DSCAM: variants seen among roughly 807,000 people sequenced by gnomAD.
The protein encoded by DSCAM is DS cell adhesion molecule.
In DSCAM, 47 loss-of-function variants were observed where a neutral mutation model predicts 217.7. The ratio of observed to expected loss-of-function variants is 0.22; its 90% CI spans 0.17 to 0.28. The LOEUF (loss-of-function observed/expected upper bound fraction) is 0.28, where lower values mean the gene tolerates loss of function less well. Among genes scored for constraint, DSCAM ranks in the 10% least tolerant of loss-of-function variants. The probability of loss-of-function intolerance (pLI) is 1.00; values close to 1 mark genes in which losing one functional copy is unlikely to be tolerated. For missense variants in DSCAM, 2,080 were observed against 2,618.3 expected, an observed-to-expected ratio of 0.79 and a Z score of 4.49; for synonymous variants, 1,056 against 1,015.3, an observed-to-expected ratio of 1.04 and a Z score of -0.76.
At chr21:40,636,321 T>C (rs1268760243) in intron 3 of DSCAM, among the ~76,000 whole-genome samples, 1 of 151,830 alleles carries the variant, frequency 6.6e-6, no homozygotes, top group Non-Finnish European at 1.5e-5. Context: ...TAAAAATACA[T>C]TTCCATGATT....
rs191189356 is a variant in DSCAM, at chr21:40,763,207, C to T, written c.44-54436G>A. On this transcript the variant is annotated intron_variant, in intron 1 of 32. Coordinates refer to ENST00000400454, the MANE Select transcript of DSCAM (RefSeq NM_001389.5). ...ATTTAGAAAACCCCATCATCTCAGC[C>T]CTAAAACTCCTTAAGCTGATAAACA... Among the ~76,000 whole-genome samples, 249 of 152,210 alleles carry T rather than the reference C, an allele frequency of 1.6e-3. 1 individual carries two copies. The highest frequency in any genetic ancestry group is 4.1e-3 in the Admixed American group (62 of 15,296).
At chr21:40,442,485 T>C (rs2075638941) in intron 3 of DSCAM, among the ~76,000 whole-genome samples, 2 of 150,546 alleles carry the variant, frequency 1.3e-5, no homozygotes, top group Admixed American at 1.3e-4. Flanking sequence ...AAAAAGAATA[T>C]GATACAAATT....
chr21:40,806,212 T>C (rs1159790001), intron 1 of DSCAM, among the ~76,000 whole-genome samples: 1 of 152,204 alleles, frequency 6.6e-6, no homozygotes, highest in Non-Finnish European at 1.5e-5. Context: ...GTCCCCACTG[T>C]GGCCTTCCAA....
chr21:40,707,082 A>G (rs1235969135), intron 2 of DSCAM, among the ~76,000 whole-genome samples: 1 of 152,260 alleles, frequency 6.6e-6, no homozygotes, highest in Non-Finnish European at 1.5e-5. Flanking sequence ...GATGATAGTT[A>G]AAACAGGAGT....
chr21:40,391,523 G>T (rs2123755403), intron 3 of DSCAM, among the ~76,000 whole-genome samples: 1 of 152,284 alleles, frequency 6.6e-6, no homozygotes, highest in East Asian at 1.9e-4. Flanking sequence ...TCTTTCTTTG[G>T]AAGGGGACTT....
rs996208819 is a variant in DSCAM at position 40,786,263 on chromosome 21, A to C, written c.43+60356T>G. Among the ~76,000 whole-genome samples, 9 of 151,768 alleles carry C rather than the reference A, an allele frequency of 5.9e-5. No homozygotes were observed. In the East Asian group the frequency reaches 1.7e-3, roughly 29 times the overall value. On this transcript the variant is annotated intron_variant, in intron 1 of 32. Coordinates refer to ENST00000400454, the MANE Select transcript of DSCAM (RefSeq NM_001389.5). ...AAACAAAACAAAGAAAGAAGGAAGG[A>C]AGGAAGGAAAGAAAGAAAAAAAGGA...
At chr21:40,057,829 C>T (rs2089050286) in intron 28 of DSCAM, among the ~76,000 whole-genome samples, 1 of 150,530 alleles carries the variant, frequency 6.6e-6, no homozygotes, top group Admixed American at 6.6e-5. Flanking sequence ...CTTGCTCTGT[C>T]GCCCAGGCTG....
At chr21:40,402,213 CCCG>C (rs2075242118) in intron 3 of DSCAM, among the ~76,000 whole-genome samples, 2 of 151,450 alleles carry the variant, frequency 1.3e-5, no homozygotes, top group African/African-American at 4.8e-5. Flanking sequence ...ACTACAGGCG[CCCG>C]CCACCACGCC....
intron 15 of DSCAM, 62 bp from the exon 16 acceptor site, chr21:40,167,350 C>T: frequency 6.7e-7 from 1 of 1,499,696 alleles, no homozygotes; most frequent in Non-Finnish European, 9.3e-7. Context: ...TCGAAGCCTA[C>T]ACAGCCAAAG....
chr21:40,093,983 A>G lies in DSCAM; in HGVS notation c.3697-109T>C, dbSNP rs2089645272. On this transcript the variant is annotated intron_variant, in intron 20 of 32. Transcript: ENST00000400454. ...TTAAATATCATAACAAAAAAACTCA[A>G]CTCACTCTCCTCTAAAAGGCTGGCT... The G allele has an allele frequency of 3.4e-6, 4 of 1,163,608 alleles. 1 individual carries two copies. Among genetic ancestry groups the G allele is most frequent in the African/African-American group, 3.1e-5 (2 of 64,088 alleles). 72.1% of individuals were successfully genotyped at this position (1,163,608 alleles called of 1,614,324 possible).
chr21:40,668,843 T>C (rs994771725), intron 3 of DSCAM, among the ~76,000 whole-genome samples: 1 of 152,004 alleles, frequency 6.6e-6, no homozygotes, highest in African/African-American at 2.4e-5. Flanking sequence ...GGACTCCACT[T>C]CCTTTCAGTA....
intron 9 of DSCAM, among the ~76,000 whole-genome samples, chr21:40,308,098 A>G (rs1249276746): frequency 6.6e-6 from 1 of 152,150 alleles, no homozygotes; most frequent in Non-Finnish European, 1.5e-5. Context: ...AAATAAAATA[A>G]AAAAACACAA....
intron 3 of DSCAM, among the ~76,000 whole-genome samples, chr21:40,432,916 C>T (rs1387292225): frequency 2.0e-5 from 3 of 152,132 alleles, no homozygotes; most frequent in African/African-American, 7.2e-5. Context: ...CTCTCTTAAC[C>T]AGGTTGACCC....
intron 1 of DSCAM, among the ~76,000 whole-genome samples, chr21:40,751,301 C>T (rs781479110): frequency 9.2e-5 from 14 of 152,198 alleles, no homozygotes; most frequent in Admixed American, 2.0e-4. Flanking sequence ...GCACTAATTA[C>T]AATCTACTAG....
At chr21:40,023,180 T>G (rs556475126) in intron 32 of DSCAM, among the ~76,000 whole-genome samples, 9 of 152,222 alleles carry the variant, frequency 5.9e-5, no homozygotes, top group African/African-American at 2.2e-4. Context: ...ATTTCATCCA[T>G]GTCCCTACAA....
intron 16 of DSCAM, 42 bp downstream of exon 16, chr21:40,167,176 T>TG (rs2090604754): frequency 6.3e-7 from 1 of 1,582,250 alleles, no homozygotes; most frequent in Admixed American, 1.7e-5. Flanking sequence ...GGGCTCGCCC[T>TG]GGGGGGAAAG....
intron 18 of DSCAM, among the ~76,000 whole-genome samples, chr21:40,139,719 A>G (rs138212281): frequency 2.4e-4 from 36 of 151,056 alleles, no homozygotes; most frequent in Admixed American, 5.3e-4. Flanking sequence ...GGTGATGTAC[A>G]TGCAGTTTGT....
chr21:40,129,738 G>A (rs2090135662), intron 19 of DSCAM, among the ~76,000 whole-genome samples: 1 of 152,178 alleles, frequency 6.6e-6, no homozygotes. Flanking sequence ...CTACTGAGGG[G>A]CAGCACCACT....
intron 11 of DSCAM, among the ~76,000 whole-genome samples, chr21:40,213,846 G>A (rs1402408681): frequency 6.6e-6 from 1 of 152,200 alleles, no homozygotes; most frequent in East Asian, 1.9e-4. Context: ...AGGAGGCAAT[G>A]TCCAGGGAAC....
Sources: gnomAD v4.1 joint callset for allele counts (sites outside exome capture counted in the v4.1 genomes callset) on GRCh38, gnomAD v4.1.1 for gene constraint, MANE v1.5 for transcripts, NCBI Gene and HGNC (gene_info 2026-07-23, HGNC 2026-07-21) for gene names.